Variants in MACF1 observed in about 807,000 individuals in gnomAD.
The protein encoded by MACF1 is microtubule-actin cross-linking factor 1.
MACF1 carries 193 observed loss-of-function variants against 854.8 expected under a neutral mutation model. That is an observed-to-expected ratio of 0.23 (90% CI 0.20 to 0.25). MACF1 has a LOEUF of 0.25. MACF1 is among the 10% of genes least tolerant of loss of function. The probability of loss-of-function intolerance (pLI) is 1.00; values close to 1 mark genes in which losing one functional copy is unlikely to be tolerated. For missense variants in MACF1, 7,722 were observed against 8,929.1 expected, an observed-to-expected ratio of 0.86 and a Z score of 5.45; for synonymous variants, 3,185 against 3,226.7, an observed-to-expected ratio of 0.99 and a Z score of 0.44.
intron 78 of MACF1, among the ~76,000 whole-genome samples, 176 bp downstream of exon 78, chr1:39,443,087 C>T (rs1185489392): frequency 6.6e-6 from 1 of 152,212 alleles, no homozygotes; most frequent in Non-Finnish European, 1.5e-5. Context: ...TAGTTCTTTT[C>T]TGAATTCATT....
intron 1 of MACF1, 113 bp from the exon 2 acceptor site, chr1:39,231,069 C>T (rs952802706): frequency 3.7e-6 from 3 of 807,944 alleles, no homozygotes. Context: ...CACTGTCCCA[C>T]AGTTATGTGG....
In MACF1 at chr1:39,334,906, T is replaced by G. The variant is rs201651907; in HGVS notation, c.8318T>G (p.Ile2773Ser). The change falls in exon 37 of 101, where the codon ATT becomes AGT. Residue 2773 changes from isoleucine to serine, a missense_variant. This residue lies in a region of MACF1 where 1,531 missense variants were observed against 1,601.6 expected (regional missense o/e 0.96). Coordinates refer to ENST00000564288, the MANE Select transcript of MACF1 (RefSeq NM_001394062.1). Reference sequence around the variant, plus strand: ...GAGTTCAGCGATCACAGGGCTCAGATTGAAAAGCAAGAAGGGATTGAAGTG... The same window carrying G: ...GAGTTCAGCGATCACAGGGCTCAGAGTGAAAAGCAAGAAGGGATTGAAGTG... The part of the protein sequence containing the change: ...SSEFSDHRAQ[I>S]EKQEGIEVCA... 12 of 1,614,178 alleles carry G rather than the reference T, an allele frequency of 7.4e-6. No homozygotes were observed. In the South Asian group the frequency reaches 1.2e-4, roughly 16 times the overall value.
intron 85 of MACF1, among the ~76,000 whole-genome samples, chr1:39,451,609 A>C (rs1269409159): frequency 6.6e-6 from 1 of 152,068 alleles, no homozygotes; most frequent in African/African-American, 2.4e-5. Context: ...GCCAATATTT[A>C]ACATAATCTC....
intron 2 of MACF1, among the ~76,000 whole-genome samples, chr1:39,180,373 T>C (rs891396015): frequency 1.3e-5 from 2 of 152,058 alleles, no homozygotes; most frequent in East Asian, 1.9e-4. Flanking sequence ...CCCAGCACTT[T>C]GGGAGGCTGA....
intron 2 of MACF1, among the ~76,000 whole-genome samples, chr1:39,187,054 T>G (rs1644183452): frequency 6.6e-6 from 1 of 152,114 alleles, no homozygotes; most frequent in South Asian, 2.1e-4. Flanking sequence ...GGGTTTAGTT[T>G]TTTTATTCTT....
chr1:39,245,305 T>A (rs1350201043), intron 2 of MACF1, among the ~76,000 whole-genome samples: 1 of 152,166 alleles, frequency 6.6e-6, no homozygotes, highest in African/African-American at 2.4e-5. Context: ...TATTATTATT[T>A]TTGAGATGGA....
rs201927978 is a variant in MACF1 at position 39,335,116 on chromosome 1, C to A, written c.8528C>A (p.Ser2843Tyr). ...CAGGCAAAAAAGAGCAGGGAAATTT[C>A]CTTAAAGGAATTTGGGTGCAAGGAT... ...GEQAKKSREI[S>Y]LKEFGCKDQR... Residue 2843 changes from serine to tyrosine, a missense_variant, in exon 37 of 101, where the codon TCC becomes TAC. Ser to Tyr is a moderately radical substitution (Grantham distance 144, BLOSUM62 -2). This residue lies in a region of MACF1 where 5 missense variants were observed against 19.1 expected (regional missense o/e 0.26). Coordinates refer to ENST00000564288, the MANE Select transcript of MACF1 (RefSeq NM_001394062.1). 6.2e-7 allele frequency: 1 copy of A among 1,614,076 alleles called. No individual in the cohort carries two copies. Among genetic ancestry groups the A allele is most frequent in the Admixed American group, 1.7e-5 (1 of 60,018 alleles).
intron 15 of MACF1, among the ~76,000 whole-genome samples, chr1:39,291,308 G>A (rs1385660830): frequency 6.8e-6 from 1 of 148,092 alleles, no homozygotes; most frequent in Non-Finnish European, 1.5e-5. Context: ...CAAGGCTACT[G>A]TATTCCGCAG....
At chr1:39,448,186 A>G in intron 83 of MACF1, 34 bp downstream of exon 83, 3 of 1,591,212 alleles carry the variant, frequency 1.9e-6, no homozygotes, top group Non-Finnish European at 2.6e-6. Context: ...GTCCCAAGCC[A>G]TAGTATTCGC....
chr1:39,249,913 A>G (rs1645021473), intron 2 of MACF1, 101 bp from the exon 3 acceptor site: 1 of 606,338 alleles, frequency 1.6e-6, no homozygotes, highest in Admixed American at 2.8e-5. Context: ...TCCACTTTTA[A>G]ATTCTTTAAT....
chr1:39,232,127 TATA>T (rs923709400), intron 2 of MACF1, among the ~76,000 whole-genome samples: 13 of 148,038 alleles, frequency 8.8e-5, no homozygotes, highest in African/African-American at 2.9e-4. Flanking sequence ...ATATATAAAA[TATA>T]ATAATAATAT....
At chr1:39,322,187 T>C (rs982138165) in intron 31 of MACF1, among the ~76,000 whole-genome samples, 5 of 152,120 alleles carry the variant, frequency 3.3e-5, no homozygotes, top group African/African-American at 1.2e-4. Context: ...TCCCCACAGG[T>C]GAGATGAAAG....
chr1:39,238,373 A>T (rs902795303), intron 2 of MACF1, among the ~76,000 whole-genome samples: 1 of 152,192 alleles, frequency 6.6e-6, no homozygotes, highest in African/African-American at 2.4e-5. Flanking sequence ...GGAGCCAAAT[A>T]TATGACAGCT....
At chr1:39,400,560 G>A (rs942939243) in intron 58 of MACF1, among the ~76,000 whole-genome samples, 2 of 151,370 alleles carry the variant, frequency 1.3e-5, no homozygotes, top group African/African-American at 4.9e-5. Flanking sequence ...AGCCTGAAGT[G>A]CAGTGGCATG....
Position 39,465,084 on chromosome 1 carries a change from A to C in MACF1, c.21754-11A>C, listed in dbSNP as rs1557668912. 1 of 1,610,734 alleles carries C rather than the reference A, an allele frequency of 6.2e-7. No homozygotes were observed. The highest frequency in any genetic ancestry group is 8.5e-7 in the Non-Finnish European group (1 of 1,177,912). On this transcript the variant is annotated splice_polypyrimidine_tract_variant and intron_variant, in intron 94 of 100. Transcript: ENST00000564288. ...TCCTTTCCTCCATCCTTTACTCTTT[A>C]CTGTCTATAGTTCTTCCTCGGCAAT...
At chr1:39,451,621 A>G (rs185500319) in intron 85 of MACF1, among the ~76,000 whole-genome samples, 11 of 152,110 alleles carry the variant, frequency 7.2e-5, no homozygotes, top group Non-Finnish European at 8.8e-5. Context: ...CATAATCTCT[A>G]TCTGTCATGT....
chr1:39,474,282 G>A (rs1187122454), intron 97 of MACF1, among the ~76,000 whole-genome samples: 2 of 152,038 alleles, frequency 1.3e-5, no homozygotes, highest in Admixed American at 1.3e-4. Context: ...CCAGCTACTC[G>A]AGAGGCTGAG....
chr1:39,335,944 G>A lies in MACF1; in HGVS notation c.9356G>A (p.Gly3119Glu). 6.2e-7 allele frequency: 1 copy of A among 1,614,094 alleles called. No homozygotes were observed. The highest frequency in any genetic ancestry group is 8.5e-7 in the Non-Finnish European group (1 of 1,179,996). Residue 3119 changes from glycine to glutamate, a missense_variant, in exon 37 of 101, where the codon GGA (glycine) becomes GAA (glutamate). Physicochemically the swap from Gly to Glu is moderately conservative, Grantham distance 98. This residue lies in a region of MACF1 where 854 missense variants were observed against 852.6 expected (regional missense o/e 1.00). Transcript: ENST00000564288. ...PEGLHYQESD[G>E]KAQVTGPSQI... ...GGATTGCACTACCAGGAATCAGATG[G>A]AAAAGCCCAAGTGACAGGCCCATCC... is the stretch of plus-strand genomic sequence containing the variant.
chr1:39,381,378 T>TGTG (rs1650190211), intron 55 of MACF1, among the ~76,000 whole-genome samples: 1 of 101,956 alleles, frequency 9.8e-6, no homozygotes, highest in Non-Finnish European at 2.1e-5. Context: ...TTTTTTTTTT[T>TGTG]GGGGGGGGGG....
Sources: gnomAD v4.1 joint callset for allele counts (sites outside exome capture counted in the v4.1 genomes callset) on GRCh38, gnomAD v4.1.1 for gene constraint, gnomAD v4.1.1 regional missense constraint, MANE v1.5 for transcripts, NCBI Gene and HGNC (gene_info 2026-07-23, HGNC 2026-07-21) for gene names.